The following ETNK1 variants were observed in gnomAD, a reference collection of about 807,000 sequenced individuals.
ETNK1 encodes ethanolamine kinase 1, also known as putative protein product of Nbla10396.
Under a neutral mutation model 45.1 loss-of-function variants are expected in ETNK1, and 8 were observed. The ratio of observed to expected loss-of-function variants is 0.18; its 90% CI spans 0.10 to 0.32. ETNK1 has a LOEUF of 0.32. ETNK1 is among the 10% of genes least tolerant of loss of function. The probability of loss-of-function intolerance (pLI) is 1.00; values close to 1 mark genes in which losing one functional copy is unlikely to be tolerated. For synonymous variants in ETNK1, 152 were observed against 151.9 expected, an observed-to-expected ratio of 1.00 and a Z score of -0.01; for missense variants, 302 against 430.6, an observed-to-expected ratio of 0.70 and a Z score of 2.64.
At chr12:22,653,199 C>G (rs1220184466) in intron 2 of ETNK1, among the ~76,000 whole-genome samples, 1 of 152,078 alleles carries the variant, frequency 6.6e-6, no homozygotes, top group East Asian at 1.9e-4. Context: ...GTTCTCTGCT[C>G]TATTCCATTT....
chr12:22,664,226 T>G (rs1224849224), intron 4 of ETNK1, among the ~76,000 whole-genome samples: 1 of 151,994 alleles, frequency 6.6e-6, no homozygotes, highest in Admixed American at 6.6e-5. Context: ...AAACTAGTTA[T>G]ATGTTTGCAT....
intron 2 of ETNK1, among the ~76,000 whole-genome samples, chr12:22,651,488 T>A (rs1372398271): frequency 2.0e-5 from 3 of 152,160 alleles, no homozygotes; most frequent in African/African-American, 7.2e-5. Flanking sequence ...GGCTGCTTTC[T>A]ATTAAAAGGG....
At chr12:22,656,885 T>C (rs574645141) in intron 2 of ETNK1, 1 of 839,074 alleles carries the variant, frequency 1.2e-6, no homozygotes, top group Admixed American at 6.2e-5. Context: ...TATAATATTC[T>C]GTTGACATAG....
At chr12:22,675,264 C>T (rs1165405424) in intron 6 of ETNK1, among the ~76,000 whole-genome samples, 1 of 151,726 alleles carries the variant, frequency 6.6e-6, no homozygotes, top group Admixed American at 6.6e-5. Flanking sequence ...CTCTATATTG[C>T]CCAGGCTGGT....
intron 4 of ETNK1, among the ~76,000 whole-genome samples, chr12:22,668,261 A>G (rs1009653888): frequency 3.3e-5 from 5 of 152,218 alleles, no homozygotes; most frequent in Non-Finnish European, 2.9e-5. Flanking sequence ...TGATCATGCT[A>G]TATGAGCTAG....
Position 22,625,289 on chromosome 12 carries a change from C to T in ETNK1, c.-142C>T. ...GTGCCGCCTCCAGACGTTCTCCTGC[C>T]GCTCGCCCGCCCGTCCCAGCGCCCC... On this transcript the variant is annotated 5_prime_UTR_variant, in exon 1 of 8. Transcript: ENST00000266517. 1.2e-6 allele frequency: 2 copies of T among 1,608,066 alleles called. No individual in the cohort carries two copies. Among genetic ancestry groups the T allele is most frequent in the Non-Finnish European group, 8.5e-7 (1 of 1,178,040 alleles).
intron 3 of ETNK1, among the ~76,000 whole-genome samples, chr12:22,659,527 A>C (rs1312744771): frequency 6.6e-6 from 1 of 152,214 alleles, no homozygotes; most frequent in Non-Finnish European, 1.5e-5. Flanking sequence ...GCCTGGAGCC[A>C]AACTGAGATT....
rs1423834031 is a variant in ETNK1, at chr12:22,685,626, A to G, written c.*672A>G. The G allele has an allele frequency of 6.6e-6, 1 of 151,858 alleles. No individual in the cohort carries two copies. The highest frequency in any genetic ancestry group is 2.4e-5 in the African/African-American group (1 of 41,426). The allele number at this position is 151,858 out of a possible 1,614,324, so 9.4% of individuals were successfully genotyped here. A position where few individuals can be genotyped will look rare whatever the true frequency, so the allele number is the denominator to read the frequency against. On this transcript the variant is annotated 3_prime_UTR_variant, in exon 8 of 8. Transcript: ENST00000266517. Reference sequence around the variant, plus strand: ...GTTTCTCTATGTAGTCTGGCAGTATAAATATAAATATTTACCATATAATCT... The same window carrying G: ...GTTTCTCTATGTAGTCTGGCAGTATGAATATAAATATTTACCATATAATCT...
intron 4 of ETNK1, chr12:22,670,975 CA>C (rs1954101879): frequency 3.7e-6 from 1 of 272,704 alleles, no homozygotes; most frequent in Non-Finnish European, 6.8e-6. Flanking sequence ...CCCCATGTGG[CA>C]AAGGATTTAT....
intron 3 of ETNK1, 63 bp from the exon 4 acceptor site, chr12:22,661,000 A>G: frequency 1.4e-6 from 2 of 1,419,512 alleles, no homozygotes; most frequent in Admixed American, 2.2e-5. Flanking sequence ...AATAGATTTT[A>G]ATCCTTAATC....
intron 2 of ETNK1, among the ~76,000 whole-genome samples, chr12:22,653,909 G>T (rs1193606871): frequency 6.6e-6 from 1 of 152,206 alleles, no homozygotes; most frequent in African/African-American, 2.4e-5. Flanking sequence ...TACAATTGAA[G>T]TGTACTTATT....
chr12:22,632,799 G>T (rs1429643564), intron 1 of ETNK1, among the ~76,000 whole-genome samples: 1 of 152,242 alleles, frequency 6.6e-6, no homozygotes, highest in East Asian at 1.9e-4. Flanking sequence ...ACTGTGCCTT[G>T]TATCAGTGTT....
At chr12:22,630,696 C>T (rs541012034) in intron 1 of ETNK1, among the ~76,000 whole-genome samples, 4 of 151,768 alleles carry the variant, frequency 2.6e-5, no homozygotes, top group Non-Finnish European at 5.9e-5. Context: ...CTGCAACCTC[C>T]GTTTCCCAGG....
Position 22,661,202 on chromosome 12 carries a change from C to G in ETNK1, c.697C>G (p.Gln233Glu). 6.2e-7 allele frequency: 1 copy of G among 1,601,282 alleles called. No individual in the cohort carries two copies. Among genetic ancestry groups the G allele is most frequent in the Non-Finnish European group, 8.5e-7 (1 of 1,177,034 alleles). Residue 233 changes from glutamine to glutamate, a missense_variant, in exon 4 of 8, where the codon CAA (glutamine) becomes GAA (glutamate). Physicochemically the swap from Gln to Glu is conservative, Grantham distance 29 (BLOSUM62 2). Coordinates refer to ENST00000266517, the MANE Select transcript of ETNK1 (RefSeq NM_018638.5). ...LCKNIIYNEK[Q>E]GDVQFIDYEY... ...TAAGAATATAATCTACAATGAGAAA[C>G]AAGGTAGGTATTTGACCTTAGCAGT...
chr12:22,657,445 G>C lies in ETNK1; in HGVS notation c.417-1569G>C, dbSNP rs114849284. Among the ~76,000 whole-genome samples, 895 of 151,948 alleles carry C rather than the reference G, an allele frequency of 5.9e-3. 7 individuals are homozygous for C. The highest frequency in any genetic ancestry group is 0.02 in the African/African-American group (848 of 41,456). On this transcript the variant is annotated intron_variant, in intron 2 of 7. Transcript: ENST00000266517. ...TTGAGAATACTGAGTTCAAACATGG[G>C]GTAAATCCAGGGACTGTAACAATGT... is the stretch of plus-strand genomic sequence containing the variant.
chr12:22,665,959 A>G (rs956695094), intron 4 of ETNK1, among the ~76,000 whole-genome samples: 2 of 150,658 alleles, frequency 1.3e-5, no homozygotes, highest in African/African-American at 2.5e-5. Flanking sequence ...AAATGTGTGT[A>G]TATATATATA....
At chr12:22,628,344 A>G (rs925124195) in intron 1 of ETNK1, among the ~76,000 whole-genome samples, 2 of 152,102 alleles carry the variant, frequency 1.3e-5, no homozygotes, top group African/African-American at 2.4e-5. Context: ...GTGCTTCTGT[A>G]TAAAATTAAT....
At chr12:22,641,982 A>T (rs1392772082) in intron 1 of ETNK1, among the ~76,000 whole-genome samples, 2 of 152,200 alleles carry the variant, frequency 1.3e-5, no homozygotes, top group East Asian at 3.8e-4. Context: ...TGTTTGTACA[A>T]ATAAATGTAT....
chr12:22,645,841 T>C (rs528966284), intron 2 of ETNK1, among the ~76,000 whole-genome samples: 55 of 151,940 alleles, frequency 3.6e-4, no homozygotes, highest in Non-Finnish European at 5.3e-4. Context: ...TTCATACCCA[T>C]TAACCAACTT....
Sources: gnomAD v4.1 joint callset for allele counts (sites outside exome capture counted in the v4.1 genomes callset) on GRCh38, gnomAD v4.1.1 for gene constraint, MANE v1.5 for transcripts, NCBI Gene and HGNC (gene_info 2026-07-23, HGNC 2026-07-21) for gene names.